Variants in PDE8A observed in about 807,000 individuals in gnomAD.
PDE8A encodes phosphodiesterase 8A.
A neutral mutation model predicts 105.0 loss-of-function variants in PDE8A; 59 were observed. That is an observed-to-expected ratio of 0.56 (90% CI 0.46 to 0.70). The LOEUF is 0.70. PDE8A is among the 30% of genes least tolerant of loss of function. The pLI, the probability that PDE8A is intolerant of heterozygous loss-of-function variation, is 0.00. For synonymous variants in PDE8A, 355 were observed against 371.9 expected (o/e 0.95, Z 0.52); for missense variants, 1,014 against 1,045.9 (o/e 0.97, Z 0.42).
At chr15:85,034,974 A>G (rs1038528147) in intron 1 of PDE8A, among the ~76,000 whole-genome samples, 3 of 152,222 alleles carry the variant, frequency 2.0e-5, no homozygotes, top group Admixed American at 6.5e-5. Flanking sequence ...TTAAATATCA[A>G]AATACATGCA....
chr15:84,982,320 C>T lies in PDE8A; in HGVS notation c.158C>T (p.Ser53Leu). 1.5e-6 allele frequency: 2 copies of T among 1,331,952 alleles called. No homozygotes were observed. The highest frequency in any genetic ancestry group is 1.9e-6 in the Non-Finnish European group (2 of 1,045,510). 82.5% of individuals were successfully genotyped at this position (1,331,952 alleles called of 1,614,324 possible). ...ACCCGCGGCGCCGGCCTCTTGGAGT[C>T]GGAGCTTCGCGACGGCAGCGGCAAG... ...PRTRGAGLLE[S>L]ELRDGSGKKV... Residue 53 changes from serine to leucine, a missense_variant, in exon 1 of 22, where the codon TCG becomes TTG. By Grantham distance (145) the Ser-to-Leu change is moderately radical. Coordinates refer to ENST00000394553, the MANE Select transcript of PDE8A (RefSeq NM_002605.3).
intron 1 of PDE8A, among the ~76,000 whole-genome samples, chr15:85,035,724 G>C (rs2080695351): frequency 6.6e-6 from 1 of 152,100 alleles, no homozygotes; most frequent in Non-Finnish European, 1.5e-5. Context: ...CTTTTCTCAA[G>C]AGCTATTCTC....
At chr15:84,997,285 C>T (rs138926200) in intron 1 of PDE8A, among the ~76,000 whole-genome samples, 2 of 152,032 alleles carry the variant, frequency 1.3e-5, no homozygotes, top group East Asian at 1.9e-4. Context: ...CCTCTGTCTC[C>T]TGGGCTCAAG....
chr15:85,116,144 C>T (rs374455669), intron 16 of PDE8A, 25 bp downstream of exon 16: 42 of 1,611,694 alleles, frequency 2.6e-5, no homozygotes, highest in African/African-American at 1.5e-4. Context: ...AGCTCAGCAG[C>T]GGGAGAACTA....
chr15:84,996,840 AAAAAAAAAAAG>A (rs2079986410), intron 1 of PDE8A, among the ~76,000 whole-genome samples: 1 of 143,340 alleles, frequency 7.0e-6, no homozygotes, highest in African/African-American at 2.8e-5. Flanking sequence ...AAAAAAAAAA[AAAAAAAAAAAG>A]GTGGTACACT....
At chr15:85,001,271 G>A (rs2080062852) in intron 1 of PDE8A, among the ~76,000 whole-genome samples, 1 of 152,038 alleles carries the variant, frequency 6.6e-6, no homozygotes. Flanking sequence ...AAAAAACCTC[G>A]ATGAAGGTAG....
At chr15:85,105,482 A>T (rs1171486286) in intron 11 of PDE8A, among the ~76,000 whole-genome samples, 1 of 152,128 alleles carries the variant, frequency 6.6e-6, no homozygotes, top group East Asian at 1.9e-4. Flanking sequence ...TGGAACTCAT[A>T]CTTCCAGGCT....
intron 20 of PDE8A, among the ~76,000 whole-genome samples, chr15:85,128,111 T>C (rs2082283017): frequency 6.9e-6 from 1 of 145,228 alleles, no homozygotes; most frequent in Non-Finnish European, 1.5e-5. Context: ...GAGAAATTCA[T>C]AGACCTACAT....
intron 11 of PDE8A, 60 bp from the exon 12 acceptor site, chr15:85,108,993 C>T (rs553941419): frequency 1.7e-6 from 2 of 1,194,152 alleles, no homozygotes; most frequent in East Asian, 2.4e-5. Context: ...AGATTGGTAA[C>T]CTTCCTTAAT....
intron 1 of PDE8A, among the ~76,000 whole-genome samples, chr15:85,029,070 C>T (rs1204237596): frequency 6.6e-6 from 1 of 152,058 alleles, no homozygotes; most frequent in Non-Finnish European, 1.5e-5. Context: ...TTTAGTATTT[C>T]ATTTAGGAAT....
chr15:84,982,190 T>C lies in PDE8A; in HGVS notation c.28T>C (p.Ser10Pro). 1.3e-6 allele frequency: 2 copies of C among 1,483,152 alleles called. No homozygotes were observed. Among genetic ancestry groups the C allele is most frequent in the African/African-American group, 1.5e-5 (1 of 68,234 alleles). The allele number at this position is 1,483,152 out of a possible 1,614,324, so 91.9% of individuals were successfully genotyped here. MGCAPSIHI[S>P]ERLVAEDAPS... ...GGGCTGTGCCCCGAGCATCCACATT[T>C]CCGAGCGCCTGGTGGCCGAGGACGC... Residue 10 changes from serine to proline, a missense_variant, in exon 1 of 22, where the codon TCC becomes CCC. Transcript: ENST00000394553.
At chr15:85,096,195 C>A (rs988245805) in intron 8 of PDE8A, among the ~76,000 whole-genome samples, 1 of 152,184 alleles carries the variant, frequency 6.6e-6, no homozygotes, top group African/African-American at 2.4e-5. Flanking sequence ...TTTTTAAATG[C>A]TGACTGATTG....
chr15:85,019,203 G>T (rs1242612419), intron 1 of PDE8A, among the ~76,000 whole-genome samples: 1 of 152,134 alleles, frequency 6.6e-6, no homozygotes, highest in Non-Finnish European at 1.5e-5. Context: ...ATGAGTGATG[G>T]ATGATATTAA....
chr15:84,997,289 G>T (rs531976876), intron 1 of PDE8A, among the ~76,000 whole-genome samples: 15 of 151,986 alleles, frequency 9.9e-5, no homozygotes, highest in Non-Finnish European at 2.1e-4. Context: ...TGTCTCCTGG[G>T]CTCAAGTGAT....
chr15:85,071,525 AAAC>A (rs1366997585), intron 3 of PDE8A, among the ~76,000 whole-genome samples: 4 of 152,270 alleles, frequency 2.6e-5, no homozygotes, highest in African/African-American at 7.2e-5. Context: ...TGCAGTTTCA[AAAC>A]AACAAATTGC....
At chr15:85,058,004 T>C (rs1289843939) in intron 1 of PDE8A, among the ~76,000 whole-genome samples, 1 of 152,182 alleles carries the variant, frequency 6.6e-6, no homozygotes, top group Non-Finnish European at 1.5e-5. Flanking sequence ...AATTTTCTTT[T>C]AGTGTCTTTT....
At chr15:85,041,581 AT>A (rs1308547314) in intron 1 of PDE8A, among the ~76,000 whole-genome samples, 2 of 152,290 alleles carry the variant, frequency 1.3e-5, no homozygotes, top group African/African-American at 2.4e-5. Context: ...TCCGCCCACC[AT>A]TTTGTTAAAA....
chr15:85,083,945 G>A lies in PDE8A; in HGVS notation c.635+301G>A, dbSNP rs550178709. On this transcript the variant is annotated intron_variant, in intron 6 of 21. Transcript: ENST00000394553. ...TTTTGTTTTCTAAGGGGACAAAAAC[G>A]GTTTTAATATACACCCCCCCAATCT... Among the ~76,000 whole-genome samples the A allele has an allele frequency of 2.3e-4, 35 of 152,130 alleles. No homozygotes were observed. In the East Asian group the frequency reaches 4.8e-3, roughly 21 times the overall value.
At chr15:84,999,668 G>A (rs962642319) in intron 1 of PDE8A, among the ~76,000 whole-genome samples, 14 of 152,032 alleles carry the variant, frequency 9.2e-5, no homozygotes, top group African/African-American at 3.1e-4. Flanking sequence ...TCTGCCTCCC[G>A]GGTTCAAGCG....
Sources: allele counts gnomAD v4.1 joint callset (sites outside exome capture counted in the v4.1 genomes callset), GRCh38; gene constraint gnomAD v4.1.1; transcripts MANE v1.5; gene names NCBI Gene and HGNC (gene_info 2026-07-23, HGNC 2026-07-21).